The following CHODL variants were observed in gnomAD, a reference collection of about 807,000 sequenced individuals.
The protein encoded by CHODL is chondrolectin, also known as transmembrane protein MT75.
Under a neutral mutation model 34.5 loss-of-function variants are expected in CHODL, and 29 were observed. The observed-to-expected ratio is 0.84, with a 90% confidence interval of 0.63 to 1.15. CHODL has a LOEUF of 1.15. CHODL is among the 50% of genes most tolerant of loss of function. CHODL has a pLI of 0.00. For missense variants in CHODL, 332 were observed against 332.5 expected (o/e 1.00, Z 0.01); for synonymous variants, 125 against 116.1 (o/e 1.08, Z -0.49).
intron 2 of CHODL, among the ~76,000 whole-genome samples, chr21:18,043,209 C>T (rs767464198): frequency 1.3e-5 from 2 of 151,928 alleles, no homozygotes; most frequent in African/African-American, 2.4e-5. Flanking sequence ...GGGCTAGCCT[C>T]AAGGGTGTGC....
At chr21:18,080,744 T>C (rs921615418) in intron 2 of CHODL, among the ~76,000 whole-genome samples, 1 of 152,226 alleles carries the variant, frequency 6.6e-6, no homozygotes, top group African/African-American at 2.4e-5. Context: ...TATAGCTTAG[T>C]AGTATAATTT....
At chr21:18,180,789 A>C (rs1256895550) in intron 2 of CHODL, among the ~76,000 whole-genome samples, 1 of 152,224 alleles carries the variant, frequency 6.6e-6, no homozygotes, top group East Asian at 1.9e-4. Flanking sequence ...GGAGTTTCGC[A>C]TATGGAATCA....
At chr21:18,221,994 G>C (rs1415904965) in intron 2 of CHODL, among the ~76,000 whole-genome samples, 1 of 152,194 alleles carries the variant, frequency 6.6e-6, no homozygotes, top group African/African-American at 2.4e-5. Context: ...GGGTTGCTCT[G>C]TCAGCCTCTG....
At chr21:17,927,676 ACT>A (rs1274369353) in intron 1 of CHODL, among the ~76,000 whole-genome samples, 1 of 152,176 alleles carries the variant, frequency 6.6e-6, no homozygotes, top group African/African-American at 2.4e-5. Flanking sequence ...CAAATCCACC[ACT>A]GTTTCTGCCA....
chr21:18,125,585 A>G (rs1362879029), intron 2 of CHODL, among the ~76,000 whole-genome samples: 1 of 151,858 alleles, frequency 6.6e-6, no homozygotes, highest in African/African-American at 2.4e-5. Context: ...TGTATTAATT[A>G]CATTTAATTA....
chr21:18,007,482 G>C (rs2063971636), intron 1 of CHODL, among the ~76,000 whole-genome samples: 1 of 152,052 alleles, frequency 6.6e-6, no homozygotes, highest in Non-Finnish European at 1.5e-5. Context: ...TAAACACTTT[G>C]GGTTCAAATC....
intron 2 of CHODL, among the ~76,000 whole-genome samples, chr21:18,177,982 T>A (rs1435955087): frequency 6.6e-6 from 1 of 152,190 alleles, no homozygotes; most frequent in Non-Finnish European, 1.5e-5. Context: ...GTGATGTTTC[T>A]CAATATTTTC....
intron 1 of CHODL, among the ~76,000 whole-genome samples, chr21:17,929,043 A>G (rs933375966): frequency 2.0e-5 from 3 of 152,230 alleles, no homozygotes; most frequent in African/African-American, 7.2e-5. Flanking sequence ...TCTAATGTCA[A>G]CACTGGTAAA....
intron 2 of CHODL, among the ~76,000 whole-genome samples, chr21:18,135,209 C>T (rs1384027963): frequency 6.6e-6 from 1 of 152,186 alleles, no homozygotes; most frequent in Non-Finnish European, 1.5e-5. Context: ...CATCCTGTTA[C>T]ACTTGAGTTT....
In CHODL at chr21:17,990,725, A is replaced by G. The variant is rs140399965; in HGVS notation, c.-144-37147A>G. Among the ~76,000 whole-genome samples, 832 of 152,244 alleles carry G rather than the reference A, an allele frequency of 5.5e-3. 6 individuals are homozygous for G. The highest frequency in any genetic ancestry group is 0.013 in the African/African-American group (554 of 41,568). ...ATAATTGTACATATTTATAGGATAC[A>G]TGTAATATTTTGATATATACATACA... On this transcript the variant is annotated intron_variant, in intron 1 of 6. Transcript: ENST00000400127.
chr21:18,024,371 G>A (rs79598480), intron 1 of CHODL, among the ~76,000 whole-genome samples: 2,328 of 152,234 alleles, frequency 0.015, 135 homozygotes, highest in East Asian at 0.13. Context: ...GTAGGGCAGG[G>A]CGCAAGTCCT....
At chr21:18,076,224 A>G (rs2064864670) in intron 2 of CHODL, among the ~76,000 whole-genome samples, 1 of 152,188 alleles carries the variant, frequency 6.6e-6, no homozygotes, top group African/African-American at 2.4e-5. Flanking sequence ...GCATGCTAGA[A>G]CAAACTTCTT....
chr21:17,981,574 C>T (rs982144843), intron 1 of CHODL, among the ~76,000 whole-genome samples: 9 of 152,000 alleles, frequency 5.9e-5, no homozygotes, highest in Non-Finnish European at 7.4e-5. Flanking sequence ...AAATAAGAGT[C>T]GGACAATGTC....
chr21:18,081,718 A>C lies in CHODL; in HGVS notation c.-45+53747A>C, dbSNP rs188743110. ...AAAAAAAAAGAGGGTGAAAGTGGGCATCTTCTCTTGTTCCAGTTCTTAGAG... is the reference window on the plus strand; with the variant it reads ...AAAAAAAAAGAGGGTGAAAGTGGGCCTCTTCTCTTGTTCCAGTTCTTAGAG... On this transcript the variant is annotated intron_variant, in intron 2 of 6. Transcript: ENST00000400127. Among the ~76,000 whole-genome samples, 3 of 151,244 alleles carry C rather than the reference A, an allele frequency of 2.0e-5. No individual in the cohort carries two copies. In the East Asian group the frequency reaches 5.8e-4, roughly 29 times the overall value.
intron 1 of CHODL, among the ~76,000 whole-genome samples, chr21:17,987,639 A>T (rs775738391): frequency 1.3e-5 from 2 of 152,170 alleles, no homozygotes; most frequent in Non-Finnish European, 2.9e-5. Context: ...AAAGTAATAT[A>T]TATTCATGAC....
upstream of CHODL, chr21:18,244,790 C>T (rs575428322): frequency 2.6e-4 from 42 of 161,438 alleles, no homozygotes; most frequent in South Asian, 8.0e-3. Flanking sequence ...GCCGGAACCT[C>T]GGGACGTGGG....
At chr21:18,173,255 A>G (rs1407542937) in intron 2 of CHODL, among the ~76,000 whole-genome samples, 2 of 152,158 alleles carry the variant, frequency 1.3e-5, no homozygotes, top group Non-Finnish European at 2.9e-5. Context: ...ATATGATCAC[A>G]GGAGGAATAT....
At chr21:18,071,355 C>T (rs559013127) in intron 2 of CHODL, among the ~76,000 whole-genome samples, 1 of 152,028 alleles carries the variant, frequency 6.6e-6, no homozygotes, top group South Asian at 2.1e-4. Context: ...CTATGGTGGC[C>T]AGGCTGGTCT....
chr21:18,216,845 C>A (rs2073834369), intron 2 of CHODL, among the ~76,000 whole-genome samples: 1 of 152,056 alleles, frequency 6.6e-6, no homozygotes, highest in Non-Finnish European at 1.5e-5. Flanking sequence ...TGAGAACTCC[C>A]TTAATATCAT....
Sources: gnomAD v4.1 joint callset for allele counts (sites outside exome capture counted in the v4.1 genomes callset) on GRCh38, gnomAD v4.1.1 for gene constraint, MANE v1.5 for transcripts, NCBI Gene and HGNC (gene_info 2026-07-23, HGNC 2026-07-21) for gene names.